The following EIF2AK3 variants were observed in gnomAD, a reference collection of about 807,000 sequenced individuals.
The protein encoded by EIF2AK3 is eukaryotic translation initiation factor 2-alpha kinase 3.
Under a neutral mutation model 113.5 loss-of-function variants are expected in EIF2AK3, and 50 were observed. That is an observed-to-expected ratio of 0.44 (90% CI 0.35 to 0.56). The LOEUF (loss-of-function observed/expected upper bound fraction) is 0.56, where lower values mean the gene tolerates loss of function less well. Among genes scored for constraint, EIF2AK3 ranks in the 20% least tolerant of loss-of-function variants. The probability of loss-of-function intolerance (pLI) is 0.00; values close to 1 mark genes in which losing one functional copy is unlikely to be tolerated. For synonymous variants in EIF2AK3, 448 were observed against 495.4 expected (o/e 0.90, Z 1.27); for missense variants, 1,185 against 1,378.0 (o/e 0.86, Z 2.22).
At chr2:88,581,726 GTATTTT>G (rs1310265508) in intron 10 of EIF2AK3, among the ~76,000 whole-genome samples, 1 of 152,122 alleles carries the variant, frequency 6.6e-6, no homozygotes, top group African/African-American at 2.4e-5. Context: ...TGATATATTA[GTATTTT>G]TATTAGCAAA....
chr2:88,574,332 C>CA (rs1275768312), intron 13 of EIF2AK3, among the ~76,000 whole-genome samples: 3 of 152,190 alleles, frequency 2.0e-5, no homozygotes, highest in South Asian at 4.2e-4. Flanking sequence ...AACAAACAAA[C>CA]AAAAAAACAG....
At chr2:88,608,892 T>C (rs1675360434) in intron 2 of EIF2AK3, among the ~76,000 whole-genome samples, 1 of 150,118 alleles carries the variant, frequency 6.7e-6, no homozygotes, top group Admixed American at 6.6e-5. Context: ...ATTTTTTTTT[T>C]TTTTTTGTAT....
intron 7 of EIF2AK3, 85 bp downstream of exon 7, chr2:88,588,676 T>G: frequency 7.3e-7 from 1 of 1,373,154 alleles, no homozygotes; most frequent in Non-Finnish European, 1.0e-6. Context: ...TTCTTATCTC[T>G]GCAGTATTCA....
At chr2:88,560,674 C>G (rs546025214) in intron 15 of EIF2AK3, among the ~76,000 whole-genome samples, 1 of 150,996 alleles carries the variant, frequency 6.6e-6, no homozygotes, top group Non-Finnish European at 1.5e-5. Flanking sequence ...TAGGTTAGAC[C>G]TGTTTTATTT....
chr2:88,619,955 CAAAAA>C, intron 1 of EIF2AK3, among the ~76,000 whole-genome samples: 1 of 119,726 alleles, frequency 8.4e-6, no homozygotes. Flanking sequence ...GACTCCGTCT[CAAAAA>C]AAAAAAAAAA....
At chr2:88,593,554 A>G in intron 3 of EIF2AK3, 149 bp from the exon 4 acceptor site, 2 of 873,644 alleles carry the variant, frequency 2.3e-6, no homozygotes, top group South Asian at 1.6e-5. Context: ...CATCAGTTAG[A>G]TTACCAACTC....
intron 2 of EIF2AK3, among the ~76,000 whole-genome samples, chr2:88,607,439 A>T (rs1675307730): frequency 6.6e-6 from 1 of 152,202 alleles, no homozygotes; most frequent in Admixed American, 6.5e-5. Flanking sequence ...CTTTAGGTGC[A>T]TTATTTATTC....
chr2:88,557,847 CA>C lies in EIF2AK3; in HGVS notation c.3239del (p.Leu1080TrpfsTer16), dbSNP rs751487624. 1.2e-6 allele frequency: 2 copies of C among 1,613,962 alleles called. No homozygotes were observed. The highest frequency in any genetic ancestry group is 2.7e-5 in the African/African-American group (2 of 74,892). On this transcript the variant is annotated frameshift_variant, in exon 17 of 17. Transcript: ENST00000303236. LOFTEE classifies it high-confidence loss of function. ...TGAGCACTGTTTTTCCTGGAAAGTC[CA>C]AGTCCTCAAATACAGCATTTTCAAT... ...NIIENAVFED[L>X]DFPGKTVLRQ...
Position 88,627,268 on chromosome 2 carries a change from G to A in EIF2AK3, c.7C>T (p.Arg3Cys). The A allele has an allele frequency of 6.7e-7, 1 of 1,484,718 alleles. No individual in the cohort carries two copies. The highest frequency in any genetic ancestry group is 8.9e-7 in the Non-Finnish European group (1 of 1,123,356). The allele number at this position is 1,484,718 out of a possible 1,614,324, so 92.0% of individuals were successfully genotyped here. ...ACCAGCAGCCCCGGGCTGATGGCGC[G>A]CTCCATCAGCGTCCCGCCCCGCGCG... The part of the protein sequence containing the change: ME[R>C]AISPGLLVRA... Residue 3 changes from arginine (R) to cysteine (C), a missense_variant, in exon 1 of 17, where the codon CGC (arginine) becomes TGC (cysteine). Physicochemically the swap from Arg to Cys is radical, Grantham distance 180 (BLOSUM62 -3). This residue lies in a region of EIF2AK3 where 189 missense variants were observed against 175.2 expected (regional missense o/e 1.08). Coordinates refer to ENST00000303236, the MANE Select transcript of EIF2AK3 (RefSeq NM_004836.7).
rs759994814 is a variant in EIF2AK3, at chr2:88,576,722, T to A, written c.1887-19A>T. The A allele has an allele frequency of 6.2e-7, 1 of 1,613,304 alleles. No individual in the cohort carries two copies. The highest frequency in any genetic ancestry group is 1.3e-5 in the African/African-American group (1 of 74,896). On this transcript the variant is annotated intron_variant, in intron 11 of 16. Transcript: ENST00000303236. ...CAATTCCCTGAAAGAGAGAAAATAT[T>A]TAAGGTGATGGATATTCCAATTACA... is the stretch of plus-strand genomic sequence containing the variant.
At chr2:88,573,933 A>G (rs1276636536) in intron 13 of EIF2AK3, among the ~76,000 whole-genome samples, 1 of 152,170 alleles carries the variant, frequency 6.6e-6, no homozygotes, top group Non-Finnish European at 1.5e-5. Context: ...GAATGTGGGA[A>G]ATTAGTTAAA....
rs1240864656 is a variant in EIF2AK3, at chr2:88,570,907, T to G, written c.2952A>C (p.Gln984His). The G allele has an allele frequency of 6.2e-7, 1 of 1,614,166 alleles. No individual in the cohort carries two copies. Among genetic ancestry groups the G allele is most frequent in the Non-Finnish European group, 8.5e-7 (1 of 1,180,014 alleles). The change falls in exon 14 of 17, where the codon CAA becomes CAC. Residue 984 changes from glutamine (Q) to histidine (H), a missense_variant. Gln to His is a conservative substitution (Grantham distance 24). Transcript: ENST00000303236. ...PMPAYARHTGQVGTKLYMSPE... is the reference protein window; with the variant it reads ...PMPAYARHTGHVGTKLYMSPE... ...GGCTCATATACAGTTTGGTCCCTAC[T>G]TGTCCTGTGTGTCTGGCATAAGCTG...
intron 14 of EIF2AK3, among the ~76,000 whole-genome samples, chr2:88,566,719 G>T (rs530130104): frequency 6.6e-6 from 1 of 151,814 alleles, no homozygotes; most frequent in South Asian, 2.1e-4. Context: ...AGGCCAAGGC[G>T]GGAGGATTGC....
chr2:88,559,946 A>G (rs1387424462), intron 15 of EIF2AK3, among the ~76,000 whole-genome samples: 1 of 152,080 alleles, frequency 6.6e-6, no homozygotes, highest in East Asian at 1.9e-4. Flanking sequence ...CTATGTTTTC[A>G]TTTCCCTTGA....
intron 11 of EIF2AK3, among the ~76,000 whole-genome samples, chr2:88,578,681 C>CA (rs763427318): frequency 0.016 from 1,245 of 77,914 alleles, 4 homozygotes; most frequent in Middle Eastern, 0.043. Flanking sequence ...GACCCTGTCT[C>CA]AAAAAAAAAA....
intron 2 of EIF2AK3, among the ~76,000 whole-genome samples, chr2:88,606,147 A>C (rs1037540952): frequency 6.6e-6 from 1 of 152,188 alleles, no homozygotes; most frequent in Non-Finnish European, 1.5e-5. Context: ...AACCTACAAA[A>C]CAAAATGCCT....
intron 3 of EIF2AK3, among the ~76,000 whole-genome samples, chr2:88,593,666 A>G (rs1009756593): frequency 3.9e-5 from 6 of 152,342 alleles, no homozygotes; most frequent in Non-Finnish European, 8.8e-5. Context: ...GGAGATTTCC[A>G]TAGAATATAC....
chr2:88,613,983 C>G (rs1164632198), intron 1 of EIF2AK3, 130 bp from the exon 2 acceptor site: 1 of 757,314 alleles, frequency 1.3e-6, no homozygotes, highest in African/African-American at 1.8e-5. Flanking sequence ...GGCCTTCTAC[C>G]ACTCTTGCCA....
chr2:88,607,420 T>C (rs1457930511), intron 2 of EIF2AK3, among the ~76,000 whole-genome samples: 1 of 152,212 alleles, frequency 6.6e-6, no homozygotes, highest in Non-Finnish European at 1.5e-5. Context: ...TTAAAGCTAA[T>C]AGAGTGAACT....
Sources: allele counts gnomAD v4.1 joint callset (sites outside exome capture counted in the v4.1 genomes callset), GRCh38; gene constraint gnomAD v4.1.1; regional missense constraint gnomAD v4.1.1; transcripts MANE v1.5; gene names NCBI Gene and HGNC (gene_info 2026-07-23, HGNC 2026-07-21).